Variants in ASPH observed in about 807,000 individuals in gnomAD.
ASPH encodes the protein aspartate beta-hydroxylase.
ASPH carries 100 observed loss-of-function variants against 118.4 expected under a neutral mutation model. That is an observed-to-expected ratio of 0.84 (90% CI 0.72 to 1.00). ASPH has a LOEUF of 1.00. Among genes scored for constraint, ASPH ranks in the 50% least tolerant of loss-of-function variants. The pLI is 0.00. For synonymous variants in ASPH, 315 were observed against 325.6 expected, an observed-to-expected ratio of 0.97 and a Z score of 0.35; for missense variants, 920 against 919.5, an observed-to-expected ratio of 1.00 and a Z score of -0.01.
intron 23 of ASPH, 105 bp downstream of exon 23, chr8:61,517,927 G>C (rs1256383369): frequency 1.6e-6 from 2 of 1,227,710 alleles, no homozygotes; most frequent in Non-Finnish European, 2.3e-6. Context: ...CATGTAAAAA[G>C]AGGCATTCAT....
At chr8:61,617,443 G>A (rs913609246) in intron 14 of ASPH, among the ~76,000 whole-genome samples, 11 of 152,124 alleles carry the variant, frequency 7.2e-5, no homozygotes, top group Non-Finnish European at 1.2e-4. Context: ...AGCAGGTATC[G>A]CTATCTTATT....
intron 1 of ASPH, among the ~76,000 whole-genome samples, chr8:61,705,391 C>T (rs902145437): frequency 6.6e-6 from 1 of 151,936 alleles, no homozygotes; most frequent in Non-Finnish European, 1.5e-5. Context: ...TACCCCTGAA[C>T]CTAAAATAAA....
At position 61,633,574 on chromosome 8, in the gene ASPH, C is replaced by A. The variant is rs1856519469; in HGVS notation, c.934+109G>T. 7 of 937,696 alleles carry A rather than the reference C, an allele frequency of 7.5e-6. No individual in the cohort carries two copies. The East Asian group carries it at 1.6e-4, about 22-fold the overall frequency. 58.1% of individuals were successfully genotyped at this position (937,696 alleles called of 1,614,324 possible). ...AATTCTAAATTAAGGTACAGTTAATCTCTCTCAAAATTTTTATCCTTCGTA... is the reference window on the plus strand; with the variant it reads ...AATTCTAAATTAAGGTACAGTTAATATCTCTCAAAATTTTTATCCTTCGTA... On this transcript the variant is annotated intron_variant, in intron 13 of 24. Transcript: ENST00000379454.
intron 2 of ASPH, among the ~76,000 whole-genome samples, chr8:61,681,856 T>C (rs893517129): frequency 9.9e-5 from 15 of 151,936 alleles, no homozygotes; most frequent in Admixed American, 2.6e-4. Context: ...AAGTCAAATA[T>C]ATTCAACTCC....
At position 61,632,361 on chromosome 8, in the gene ASPH, C is replaced by T. The variant is rs116187659; in HGVS notation, c.934+1322G>A. Among the ~76,000 whole-genome samples, 309 of 152,192 alleles carry T rather than the reference C, an allele frequency of 2.0e-3. 1 individual carries two copies. Among genetic ancestry groups the T allele is most frequent in the African/African-American group, 7.0e-3 (290 of 41,532 alleles). ...ATAACTAGAAATATATTAATTTGTA[C>T]AAACATTATTTTTAGGAATATAAAA... is the stretch of plus-strand genomic sequence containing the variant. On this transcript the variant is annotated intron_variant, in intron 13 of 24. Transcript: ENST00000379454.
At chr8:61,607,808 T>C (rs1252276532) in intron 14 of ASPH, among the ~76,000 whole-genome samples, 1 of 152,192 alleles carries the variant, frequency 6.6e-6, no homozygotes, top group African/African-American at 2.4e-5. Flanking sequence ...TCAAACATCG[T>C]CATCCTATAC....
chr8:61,540,020 C>A (rs773309641), intron 21 of ASPH, among the ~76,000 whole-genome samples: 2 of 152,084 alleles, frequency 1.3e-5, no homozygotes, highest in Admixed American at 6.5e-5. Context: ...AAGCCCAAGG[C>A]ACTTGGTGCT....
At chr8:61,615,983 T>C (rs2134095404) in intron 14 of ASPH, among the ~76,000 whole-genome samples, 1 of 152,358 alleles carries the variant, frequency 6.6e-6, no homozygotes, top group Non-Finnish European at 1.5e-5. Context: ...CAGCTCACAA[T>C]TTGCTCCAAT....
At chr8:61,601,758 A>G (rs1314105823) in intron 14 of ASPH, among the ~76,000 whole-genome samples, 1 of 151,386 alleles carries the variant, frequency 6.6e-6, no homozygotes, top group Admixed American at 6.6e-5. Context: ...GAGAGAAGAC[A>G]CAAATAAACA....
Position 61,562,872 on chromosome 8 carries a change from TCATATGA to T in ASPH, c.1302_1308del (p.His435GlufsTer10). ...CTCTGCAGGGTAAGCAGGGAACCTC[TCATATGA>T]CCTGAGTAGGTGGGAATTTAAAAAA... On this transcript the variant is annotated frameshift_variant and splice_region_variant, in exon 18 of 25. Transcript: ENST00000379454. LOFTEE classifies it high-confidence loss of function. 6 of 1,596,232 alleles carry T rather than the reference TCATATGA, an allele frequency of 3.8e-6. No homozygotes were observed. Among genetic ancestry groups the T allele is most frequent in the Non-Finnish European group, 5.1e-6 (6 of 1,174,074 alleles).
chr8:61,578,551 T>A, intron 15 of ASPH: 2 of 1,522,058 alleles, frequency 1.3e-6, no homozygotes, highest in Non-Finnish European at 1.8e-6. Flanking sequence ...AAGGTACGGT[T>A]CCTGGAGCAG....
At position 61,650,012 on chromosome 8, in the gene ASPH, T is replaced by G. The variant is rs575466679; in HGVS notation, c.490+1038A>C. On this transcript the variant is annotated intron_variant, in intron 5 of 24. Coordinates refer to ENST00000379454, the MANE Select transcript of ASPH (RefSeq NM_004318.4). ...ACACTCACCACCAGCACTGGCCTGG[T>G]GAAGGTCTACACCAGCCTCTTCTGA... Among the ~76,000 whole-genome samples the G allele has an allele frequency of 5.4e-4, 82 of 152,248 alleles. No homozygotes were observed. The South Asian group carries it at 0.017, about 31-fold the overall frequency.
intron 24 of ASPH, among the ~76,000 whole-genome samples, chr8:61,516,401 C>T (rs1260587747): frequency 6.6e-6 from 1 of 152,150 alleles, no homozygotes; most frequent in Admixed American, 6.5e-5. Flanking sequence ...AAGAGGACGG[C>T]CCCTTCTGAG....
At position 61,681,511 on chromosome 8, in the gene ASPH, T is replaced by C. The variant is rs1289207650; in HGVS notation, c.254-475A>G. Among the ~76,000 whole-genome samples the C allele has an allele frequency of 4.0e-5, 6 of 151,746 alleles. No homozygotes were observed. The South Asian group carries it at 6.2e-4, about 16-fold the overall frequency. Reference sequence around the variant, plus strand: ...AAGACCAAATGTAAATAGATTAACATAGAATCTAAGTACTAAAAACTAAAA... The same window carrying C: ...AAGACCAAATGTAAATAGATTAACACAGAATCTAAGTACTAAAAACTAAAA... On this transcript the variant is annotated intron_variant, in intron 2 of 24. Coordinates refer to ENST00000379454, the MANE Select transcript of ASPH (RefSeq NM_004318.4).
At chr8:61,609,286 C>T (rs1281925111) in intron 14 of ASPH, among the ~76,000 whole-genome samples, 1 of 152,222 alleles carries the variant, frequency 6.6e-6, no homozygotes, top group Non-Finnish European at 1.5e-5. Flanking sequence ...CCTCTGCTGG[C>T]AGCTTTACTT....
intron 21 of ASPH, among the ~76,000 whole-genome samples, chr8:61,545,306 G>A (rs1236190474): frequency 6.6e-6 from 1 of 152,274 alleles, no homozygotes; most frequent in African/African-American, 2.4e-5. Flanking sequence ...CCAGGAAGCA[G>A]GCCTTCACCA....
At chr8:61,569,191 G>C (rs1832726637) in intron 16 of ASPH, among the ~76,000 whole-genome samples, 1 of 152,136 alleles carries the variant, frequency 6.6e-6, no homozygotes, top group African/African-American at 2.4e-5. Context: ...AACGAAAAAA[G>C]AATCAACATT....
rs879204180 is a variant in ASPH, at chr8:61,638,444, C to A, written c.791-81G>T. 23 of 1,221,580 alleles carry A rather than the reference C, an allele frequency of 1.9e-5. No homozygotes were observed. In the South Asian group the frequency reaches 2.9e-4, roughly 15 times the overall value. 75.7% of individuals were successfully genotyped at this position (1,221,580 alleles called of 1,614,324 possible). A position where few individuals can be genotyped will look rare whatever the true frequency, so the allele number is the denominator to read the frequency against. On this transcript the variant is annotated intron_variant, in intron 10 of 24. Coordinates refer to ENST00000379454, the MANE Select transcript of ASPH (RefSeq NM_004318.4). ...TGACAACATGCTTTAAGGGCAGAGACAATGCCTTATGCATCTTTGAACCTG... is the reference window on the plus strand; with the variant it reads ...TGACAACATGCTTTAAGGGCAGAGAAAATGCCTTATGCATCTTTGAACCTG...
chr8:61,525,918 A>C, intron 22 of ASPH, 59 bp downstream of exon 22: 1 of 1,604,450 alleles, frequency 6.2e-7, no homozygotes. Flanking sequence ...GACTCTTGTC[A>C]GTACCCACTT....
Sources: allele counts gnomAD v4.1 joint callset (sites outside exome capture counted in the v4.1 genomes callset), GRCh38; gene constraint gnomAD v4.1.1; transcripts MANE v1.5; gene names NCBI Gene and HGNC (gene_info 2026-07-23, HGNC 2026-07-21).